The following SLC35D1 variants were observed in gnomAD, a reference collection of about 807,000 sequenced individuals.
SLC35D1 encodes solute carrier family 35 member D1.
A neutral mutation model predicts 46.7 loss-of-function variants in SLC35D1; 31 were observed. The observed-to-expected ratio is 0.66, with a 90% CI of 0.50 to 0.90. The LOEUF is 0.90. SLC35D1 is among the 40% of genes least tolerant of loss of function. SLC35D1 has a pLI of 0.00. For synonymous variants in SLC35D1, 195 were observed against 164.6 expected (o/e 1.18, Z -1.41); for missense variants, 397 against 426.2 (o/e 0.93, Z 0.60).
chr1:66,986,426 G>A, the SLC35D1 span: 11 of 1,612,928 alleles, frequency 6.8e-6, no homozygotes, highest in Admixed American at 1.8e-4. Context: ...GCTTCTTCCA[G>A]TTCATTTTTC....
rs1667369755 is a variant in SLC35D1, at chr1:67,002,870, C to G, written c.*1470G>C. On this transcript the variant is annotated 3_prime_UTR_variant, in exon 12 of 12. Coordinates refer to ENST00000235345, the MANE Select transcript of SLC35D1 (RefSeq NM_015139.3). ...TGTACAACTGGCCTGAGCAAACACACTAATCCTCAAAGTCAATGGATATCT... is the reference window on the plus strand; with the variant it reads ...TGTACAACTGGCCTGAGCAAACACAGTAATCCTCAAAGTCAATGGATATCT... The G allele has an allele frequency of 6.6e-6, 1 of 152,346 alleles. No individual in the cohort carries two copies. The highest frequency in any genetic ancestry group is 2.4e-5 in the African/African-American group (1 of 41,450). The allele number at this position is 152,346 out of a possible 1,614,324, so 9.4% of individuals were successfully genotyped here.
intron 10 of SLC35D1, among the ~76,000 whole-genome samples, chr1:67,014,587 G>A (rs1213443471): frequency 1.3e-5 from 2 of 149,138 alleles, no homozygotes; most frequent in Non-Finnish European, 3.0e-5. Flanking sequence ...TAATTTTCAA[G>A]TTCACATGAT....
intron 10 of SLC35D1, among the ~76,000 whole-genome samples, chr1:67,009,437 A>C (rs1249803956): frequency 1.3e-5 from 2 of 152,258 alleles, no homozygotes; most frequent in Non-Finnish European, 2.9e-5. Flanking sequence ...AAATATTCAC[A>C]AACTATGCAT....
At chr1:67,037,052 A>C (rs1037430090) in intron 8 of SLC35D1, among the ~76,000 whole-genome samples, 7 of 152,128 alleles carry the variant, frequency 4.6e-5, no homozygotes, top group Non-Finnish European at 8.8e-5. Context: ...TAAACAAACA[A>C]GCAAAAAGAA....
At chr1:67,020,656 C>T (rs1482601851) in intron 9 of SLC35D1, among the ~76,000 whole-genome samples, 1 of 152,144 alleles carries the variant, frequency 6.6e-6, no homozygotes, top group Non-Finnish European at 1.5e-5. Flanking sequence ...AAGAGTTTTT[C>T]TTTGCTGCCC....
chr1:67,042,416 A>G (rs149257643), intron 7 of SLC35D1, 88 bp from the exon 8 acceptor site: 2 of 1,050,980 alleles, frequency 1.9e-6, no homozygotes, highest in Non-Finnish European at 3.0e-6. Flanking sequence ...CTACACATAA[A>G]TACACAAACA....
intron 8 of SLC35D1, among the ~76,000 whole-genome samples, chr1:67,025,647 T>C (rs1276898731): frequency 6.6e-6 from 1 of 152,258 alleles, no homozygotes; most frequent in Non-Finnish European, 1.5e-5. Context: ...AATCTATAGA[T>C]GAATTTGCTA....
chr1:67,038,156 C>G (rs751513682), intron 8 of SLC35D1, among the ~76,000 whole-genome samples: 16 of 152,046 alleles, frequency 1.1e-4, no homozygotes, highest in African/African-American at 1.7e-4. Flanking sequence ...AACACCAAGG[C>G]CCAGAAAACA....
intron 10 of SLC35D1, among the ~76,000 whole-genome samples, chr1:67,018,834 G>GAGA (rs1303995528): frequency 6.6e-6 from 1 of 152,200 alleles, no homozygotes; most frequent in Non-Finnish European, 1.5e-5. Flanking sequence ...TGTATCCTGT[G>GAGA]AGACTTCGAC....
the SLC35D1 span, among the ~76,000 whole-genome samples, chr1:66,989,860 C>G: frequency 6.6e-6 from 1 of 152,200 alleles, no homozygotes; most frequent in Non-Finnish European, 1.5e-5. Context: ...ATAGATTGAT[C>G]TGAGCCACTT....
chr1:66,996,574 G>C (rs1014259000), downstream of SLC35D1, among the ~76,000 whole-genome samples: 1 of 152,208 alleles, frequency 6.6e-6, no homozygotes, highest in Non-Finnish European at 1.5e-5. Context: ...GATGGGTGCT[G>C]GCCCCAGTGA....
chr1:67,025,285 A>C (rs1667894360), intron 8 of SLC35D1, among the ~76,000 whole-genome samples: 2 of 152,212 alleles, frequency 1.3e-5, no homozygotes, highest in South Asian at 4.1e-4. Flanking sequence ...GTCAAGGTTC[A>C]CTATTTTGCA....
At chr1:67,014,765 T>G (rs1667646723) in intron 10 of SLC35D1, among the ~76,000 whole-genome samples, 1 of 150,458 alleles carries the variant, frequency 6.6e-6, no homozygotes, top group Non-Finnish European at 1.5e-5. Flanking sequence ...CTGTTACTTC[T>G]ATAATATTTT....
chr1:67,013,132 A>G (rs780039678), intron 10 of SLC35D1, among the ~76,000 whole-genome samples: 5 of 146,160 alleles, frequency 3.4e-5, no homozygotes, highest in Admixed American at 1.4e-4. Context: ...ACATGCATAT[A>G]TAATTTAAGA....
chr1:67,037,138 G>A (rs1024122106), intron 8 of SLC35D1, among the ~76,000 whole-genome samples: 4 of 151,914 alleles, frequency 2.6e-5, no homozygotes, highest in African/African-American at 7.3e-5. Context: ...ATATCTTATT[G>A]TACTGTCAAT....
the SLC35D1 span, among the ~76,000 whole-genome samples, chr1:66,982,816 A>T: frequency 6.2e-4 from 95 of 152,330 alleles, no homozygotes; most frequent in Non-Finnish European, 1.2e-3. Flanking sequence ...CTAGGAATAA[A>T]CCAAACAAAC....
the SLC35D1 span, chr1:66,986,487 T>A: frequency 6.4e-7 from 1 of 1,558,552 alleles, no homozygotes; most frequent in African/African-American, 1.4e-5. Context: ...TTCTGTGGTC[T>A]TGTTTTTAAT....
In SLC35D1 at chr1:67,004,247, TA is replaced by T; in HGVS notation, c.*92del. 1 of 1,044,616 alleles carries T rather than the reference TA, an allele frequency of 9.6e-7. No individual in the cohort carries two copies. The highest frequency in any genetic ancestry group is 1.5e-6 in the Non-Finnish European group (1 of 668,534). The allele number at this position is 1,044,616 out of a possible 1,614,324, so 64.7% of individuals were successfully genotyped here. A position where few individuals can be genotyped will look rare whatever the true frequency, so the allele number is the denominator to read the frequency against. On this transcript the variant is annotated 3_prime_UTR_variant, in exon 12 of 12. Coordinates refer to ENST00000235345, the MANE Select transcript of SLC35D1 (RefSeq NM_015139.3). ...TGCAAAGGAATGGTTATTTCCTCCA[TA>T]ATCAAGACACCTCAGTGTCTCTGTA...
intron 1 of SLC35D1, 70 bp downstream of exon 1, chr1:67,053,741 A>AGCCGGCGCCGC (rs1187262748): frequency 7.4e-7 from 1 of 1,344,088 alleles, no homozygotes; most frequent in African/African-American, 1.5e-5. Flanking sequence ...AAGTCCAGGG[A>AGCCGGCGCCGC]GCCGGCGCCG....
Sources: allele counts gnomAD v4.1 joint callset (sites outside exome capture counted in the v4.1 genomes callset), GRCh38; gene constraint gnomAD v4.1.1; transcripts MANE v1.5; gene names NCBI Gene and HGNC (gene_info 2026-07-23, HGNC 2026-07-21).